EFCAB5: variants seen among roughly 807,000 people sequenced by gnomAD.
The protein encoded by EFCAB5 is EF-hand calcium-binding domain-containing protein 5.
Under a neutral mutation model 167.9 loss-of-function variants are expected in EFCAB5, and 131 were observed. The observed-to-expected ratio is 0.78, with a 90% confidence interval of 0.68 to 0.90. The LOEUF (loss-of-function observed/expected upper bound fraction) is 0.90, where lower values mean the gene tolerates loss of function less well. EFCAB5 is among the 40% of genes least tolerant of loss of function. The pLI is 0.00. For synonymous variants in EFCAB5, 574 were observed against 602.8 expected (o/e 0.95, Z 0.70); for missense variants, 1,663 against 1,745.2 (o/e 0.95, Z 0.84).
intron 4 of EFCAB5, among the ~76,000 whole-genome samples, chr17:29,985,579 T>C (rs1417044037): frequency 1.3e-5 from 2 of 152,224 alleles, no homozygotes; most frequent in East Asian, 3.8e-4. Context: ...ATTGTTTCTA[T>C]GGATTGTAGG....
chr17:30,073,493 C>T (rs2070797322), intron 14 of EFCAB5, among the ~76,000 whole-genome samples: 1 of 151,882 alleles, frequency 6.6e-6, no homozygotes, highest in African/African-American at 2.4e-5. Context: ...TCTCTCTGTC[C>T]CTCTCTCCTT....
At chr17:30,073,792 G>A (rs2070805874) in intron 14 of EFCAB5, 1 of 542,820 alleles carries the variant, frequency 1.8e-6, no homozygotes, top group African/African-American at 1.9e-5. Flanking sequence ...AGAGCACTGT[G>A]ACACTCACCT....
At chr17:30,103,695 T>C (rs2151861325) in intron 22 of EFCAB5, among the ~76,000 whole-genome samples, 1 of 152,296 alleles carries the variant, frequency 6.6e-6, no homozygotes, top group Admixed American at 6.5e-5. Context: ...ATGTAAATTC[T>C]CCTGCCTACA....
intron 5 of EFCAB5, among the ~76,000 whole-genome samples, chr17:29,995,553 T>C (rs915723300): frequency 2.6e-5 from 4 of 152,240 alleles, no homozygotes; most frequent in African/African-American, 9.6e-5. Context: ...TCCCACTGTT[T>C]AAAATTTCCA....
Position 29,969,341 on chromosome 17 carries a change from A to G in EFCAB5, c.741A>G (p.Ile247Met), listed in dbSNP as rs964067872. The G allele has an allele frequency of 2.5e-6, 4 of 1,604,850 alleles. No individual in the cohort carries two copies. The highest frequency in any genetic ancestry group is 3.4e-6 in the Non-Finnish European group (4 of 1,176,466). ...LMKEVTEDLK[I>M]YVPDTICNRV... is the part of the protein sequence containing the mutation. ...AAGAAGTCACAGAAGACCTGAAGAT[A>G]TATGTTCCTGACACTATCTGCAACA... is the stretch of plus-strand genomic sequence containing the variant. Residue 247 changes from isoleucine to methionine, a missense_variant, in exon 4 of 23, where the codon ATA becomes ATG. Ile to Met is a conservative substitution (Grantham distance 10). Coordinates refer to ENST00000394835, the MANE Select transcript of EFCAB5 (RefSeq NM_198529.4).
At chr17:30,078,169 G>C (rs777142292) in intron 14 of EFCAB5, 46 bp from the exon 15 acceptor site, 2 of 1,548,012 alleles carry the variant, frequency 1.3e-6, no homozygotes, top group Admixed American at 3.8e-5. Context: ...CCCCACCAAT[G>C]AGTGAACTTT....
intron 14 of EFCAB5, among the ~76,000 whole-genome samples, chr17:30,064,968 T>A (rs1484070349): frequency 6.6e-6 from 1 of 152,128 alleles, no homozygotes; most frequent in Non-Finnish European, 1.5e-5. Flanking sequence ...CCAGAAAAAC[T>A]ATCCTTCAGA....
Position 29,969,372 on chromosome 17 carries a change from A to G in EFCAB5, c.767+5A>G, listed in dbSNP as rs757233670. On this transcript the variant is annotated splice_donor_5th_base_variant and intron_variant, in intron 4 of 22. Coordinates refer to ENST00000394835, the MANE Select transcript of EFCAB5 (RefSeq NM_198529.4). The stretch of plus-strand genomic sequence containing the variant: ...TCCTGACACTATCTGCAACAGGTAC[A>G]ATCTGTTATAGTTTCAGTTCATGAT... 1.9e-6 allele frequency: 3 copies of G among 1,560,794 alleles called. No homozygotes were observed. Among genetic ancestry groups the G allele is most frequent in the Non-Finnish European group, 2.6e-6 (3 of 1,156,148 alleles).
At chr17:30,018,110 CA>C (rs2077246489) in intron 7 of EFCAB5, among the ~76,000 whole-genome samples, 1 of 151,910 alleles carries the variant, frequency 6.6e-6, no homozygotes, top group Non-Finnish European at 1.5e-5. Context: ...GTAATTGGGT[CA>C]CTTTTTTTTT....
Position 30,053,069 on chromosome 17 carries a change from A to C in EFCAB5, c.1301-186A>C, listed in dbSNP as rs546255584. Among the ~76,000 whole-genome samples the C allele has an allele frequency of 5.3e-5, 8 of 152,354 alleles. No homozygotes were observed. In the East Asian group the frequency reaches 1.3e-3, roughly 26 times the overall value. ...GGGATGATTTCTAACTTACAGTAGT[A>C]TAAGTTCTTTTGGGTACCTTTTTAC... On this transcript the variant is annotated intron_variant, in intron 9 of 22. Coordinates refer to ENST00000394835, the MANE Select transcript of EFCAB5 (RefSeq NM_198529.4).
intron 4 of EFCAB5, among the ~76,000 whole-genome samples, chr17:29,973,243 C>T (rs2067995549): frequency 6.6e-6 from 1 of 152,168 alleles, no homozygotes; most frequent in Non-Finnish European, 1.5e-5. Context: ...ATGTGCCTTT[C>T]TGTATCTTAG....
At chr17:30,060,225 T>A (rs1055044574) in intron 14 of EFCAB5, among the ~76,000 whole-genome samples, 11 of 141,276 alleles carry the variant, frequency 7.8e-5, no homozygotes, top group African/African-American at 2.4e-4. Flanking sequence ...ACAAAAAAAA[T>A]AAAAAAAAAT....
chr17:30,090,694 A>T lies in EFCAB5; in HGVS notation c.3937+20A>T. 6.3e-7 allele frequency: 1 copy of T among 1,598,656 alleles called. No individual in the cohort carries two copies. The highest frequency in any genetic ancestry group is 8.5e-7 in the Non-Finnish European group (1 of 1,174,234). Reference sequence around the variant, plus strand: ...TCTTAGGTATCGTTCATGTGGCATCAGTCTAAATTCACAGGTTTAATAGGT... The same window carrying T: ...TCTTAGGTATCGTTCATGTGGCATCTGTCTAAATTCACAGGTTTAATAGGT... On this transcript the variant is annotated intron_variant, in intron 20 of 22. Transcript: ENST00000394835.
chr17:29,976,524 T>G (rs545000466), intron 4 of EFCAB5, among the ~76,000 whole-genome samples: 65 of 152,276 alleles, frequency 4.3e-4, no homozygotes, highest in African/African-American at 1.5e-3. Flanking sequence ...TACAACAGTG[T>G]GTTCTGCTCC....
At chr17:30,069,058 A>T in intron 14 of EFCAB5, 1 of 1,412,584 alleles carries the variant, frequency 7.1e-7, no homozygotes, top group Non-Finnish European at 1.0e-6. Context: ...TTACTTAAAA[A>T]AAGTGTGTAA....
Position 30,053,781 on chromosome 17 carries a change from CAG to C in EFCAB5, c.1832_1833del (p.Glu611ValfsTer66), listed in dbSNP as rs561967611. On this transcript the variant is annotated frameshift_variant, in exon 10 of 23. Coordinates refer to ENST00000394835, the MANE Select transcript of EFCAB5 (RefSeq NM_198529.4). LOFTEE classifies it high-confidence loss of function. ...RESVAEQGSR[R>X]ESIAEQDRHK... ...AGTCAGTTGCAGAACAAGGGTCACG[CAG>C]AGAGTCTATTGCAGAACAAGATCGA... The C allele has an allele frequency of 3.0e-4, 491 of 1,613,862 alleles. 2 individuals are homozygous for C. In the Middle Eastern group the frequency reaches 3.1e-3, roughly 10 times the overall value.
At chr17:30,096,176 T>G (rs1188620615) in intron 22 of EFCAB5, among the ~76,000 whole-genome samples, 2 of 152,218 alleles carry the variant, frequency 1.3e-5, no homozygotes, top group East Asian at 3.8e-4. Context: ...TTCCCATGCA[T>G]GCAAACCCCC....
At chr17:29,932,306 A>G (rs1287171214) in intron 1 of EFCAB5, among the ~76,000 whole-genome samples, 2 of 150,856 alleles carry the variant, frequency 1.3e-5, no homozygotes, top group African/African-American at 4.9e-5. Context: ...GCCCGCCACC[A>G]CACCCGGCTA....
chr17:29,937,953 C>T (rs2067259727), upstream of EFCAB5, among the ~76,000 whole-genome samples: 1 of 152,148 alleles, frequency 6.6e-6, no homozygotes, highest in Admixed American at 6.5e-5. Flanking sequence ...TAGGAAATGG[C>T]CATCAATCTC....
Sources: gnomAD v4.1 joint callset for allele counts (sites outside exome capture counted in the v4.1 genomes callset) on GRCh38, gnomAD v4.1.1 for gene constraint, MANE v1.5 for transcripts, NCBI Gene and HGNC (gene_info 2026-07-23, HGNC 2026-07-21) for gene names.